RBFOX1: variants seen among roughly 807,000 people sequenced by gnomAD.
RBFOX1 encodes RNA binding protein fox-1 homolog 1.
Under a neutral mutation model 57.7 loss-of-function variants are expected in RBFOX1, and 8 were observed. That is an observed-to-expected ratio of 0.14 (90% CI 0.08 to 0.25). The LOEUF (loss-of-function observed/expected upper bound fraction) is 0.25. Ranked by LOEUF, RBFOX1 falls within the 10% of genes least tolerant of loss-of-function variation. The pLI, the probability that RBFOX1 is intolerant of heterozygous loss-of-function variation, is 1.00. For missense variants in RBFOX1, 611 were observed against 548.5 expected (o/e 1.11, Z -1.14); for synonymous variants, 326 against 222.4 (o/e 1.47, Z -4.15).
At chr16:6,992,493 C>T (rs766977970) in intron 3 of RBFOX1, among the ~76,000 whole-genome samples, 8 of 152,078 alleles carry the variant, frequency 5.3e-5, no homozygotes, top group East Asian at 1.9e-4. Context: ...GGATTACAGG[C>T]GTGAGCTACT....
intron 1 of RBFOX1, among the ~76,000 whole-genome samples, chr16:5,265,136 T>C (rs1200669144): frequency 6.6e-6 from 1 of 152,200 alleles, no homozygotes; most frequent in African/African-American, 2.4e-5. Flanking sequence ...AGAAAAAATC[T>C]GAGAATCTGT....
intron 5 of RBFOX1, among the ~76,000 whole-genome samples, chr16:7,541,720 C>A (rs1220478691): frequency 1.3e-5 from 2 of 152,210 alleles, no homozygotes; most frequent in South Asian, 4.1e-4. Context: ...TTTCTCCATG[C>A]AAGCAGCCAT....
intron 4 of RBFOX1, among the ~76,000 whole-genome samples, chr16:7,142,377 G>A (rs904204224): frequency 6.6e-6 from 1 of 152,044 alleles, no homozygotes; most frequent in Non-Finnish European, 1.5e-5. Flanking sequence ...CCCGTGAAAT[G>A]AGGTCCATGT....
intron 2 of RBFOX1, among the ~76,000 whole-genome samples, chr16:5,522,145 G>A (rs2044046750): frequency 6.6e-6 from 1 of 152,218 alleles, no homozygotes; most frequent in Non-Finnish European, 1.5e-5. Flanking sequence ...TAAGGAGTAA[G>A]CTCAGCTCCT....
intron 4 of RBFOX1, among the ~76,000 whole-genome samples, chr16:7,275,036 G>A (rs2095413586): frequency 6.6e-6 from 1 of 152,146 alleles, no homozygotes; most frequent in Non-Finnish European, 1.5e-5. Flanking sequence ...TGAGCAGGTG[G>A]TCGAAGGGTG....
At chr16:6,669,423 A>T (rs2098750982) in intron 3 of RBFOX1, among the ~76,000 whole-genome samples, 1 of 152,200 alleles carries the variant, frequency 6.6e-6, no homozygotes, top group Admixed American at 6.5e-5. Flanking sequence ...TGGCCATCTT[A>T]AACTAACAGC....
chr16:6,866,635 C>T (rs1231318443), intron 3 of RBFOX1, among the ~76,000 whole-genome samples: 12 of 148,158 alleles, frequency 8.1e-5, no homozygotes, highest in Middle Eastern at 3.3e-3. Context: ...TCCGCCTCCC[C>T]GGTTCACGCC....
chr16:5,853,048 TG>T (rs1268262288), intron 3 of RBFOX1, among the ~76,000 whole-genome samples: 1 of 152,084 alleles, frequency 6.6e-6, no homozygotes, highest in Non-Finnish European at 1.5e-5. Flanking sequence ...TAGAATTATA[TG>T]TTTACAGATC....
intron 2 of RBFOX1, among the ~76,000 whole-genome samples, chr16:6,321,264 A>G (rs2152786753): frequency 6.6e-6 from 1 of 152,242 alleles, no homozygotes; most frequent in Admixed American, 6.5e-5. Flanking sequence ...AAATTTAAGA[A>G]CATGTGGCTT....
chr16:6,978,731 T>G (rs1207152957), intron 3 of RBFOX1, among the ~76,000 whole-genome samples: 1 of 152,242 alleles, frequency 6.6e-6, no homozygotes, highest in Non-Finnish European at 1.5e-5. Flanking sequence ...CAGAGTAAGT[T>G]TGGAAGAAGG....
chr16:6,987,996 G>A lies in RBFOX1; in HGVS notation c.-15-64061G>A, dbSNP rs137971245. On this transcript the variant is annotated intron_variant, in intron 3 of 15. Coordinates refer to ENST00000550418, the MANE Select transcript of RBFOX1 (RefSeq NM_018723.4). Reference sequence around the variant, plus strand: ...TTTCCTTGCATAATCTTATATAGTCGTCATCATGGTTATGTTTCTGGTGAA... The same window carrying A: ...TTTCCTTGCATAATCTTATATAGTCATCATCATGGTTATGTTTCTGGTGAA... 1.1e-4 allele frequency among the ~76,000 whole-genome samples: 17 copies of A among 152,118 alleles called. No homozygotes were observed. In the South Asian group the frequency reaches 1.5e-3, roughly 13 times the overall value.
chr16:6,644,692 C>G (rs1277941167), intron 2 of RBFOX1, among the ~76,000 whole-genome samples: 3 of 152,178 alleles, frequency 2.0e-5, no homozygotes, highest in Non-Finnish European at 2.9e-5. Context: ...GAGTGAATGA[C>G]TGCAATAATC....
At chr16:6,717,444 C>T (rs2065049380) in intron 3 of RBFOX1, among the ~76,000 whole-genome samples, 1 of 152,156 alleles carries the variant, frequency 6.6e-6, no homozygotes, top group Non-Finnish European at 1.5e-5. Context: ...GGTGGATCTG[C>T]ATGACACGTT....
chr16:7,332,024 A>G (rs2096704677), intron 4 of RBFOX1, among the ~76,000 whole-genome samples: 1 of 152,194 alleles, frequency 6.6e-6, no homozygotes, highest in African/African-American at 2.4e-5. Flanking sequence ...TGTATTGCAT[A>G]TTAATATATC....
intron 1 of RBFOX1, among the ~76,000 whole-genome samples, chr16:5,391,470 G>C (rs1052582947): frequency 6.6e-6 from 1 of 152,020 alleles, no homozygotes; most frequent in Non-Finnish European, 1.5e-5. Flanking sequence ...AAGGTCCCTT[G>C]GGACTCCACT....
intron 2 of RBFOX1, among the ~76,000 whole-genome samples, chr16:5,571,991 G>A (rs1323616771): frequency 1.3e-5 from 2 of 152,196 alleles, no homozygotes; most frequent in Admixed American, 6.5e-5. Context: ...GGCCCCAGGA[G>A]ACCAGCCTCC....
chr16:6,731,488 G>A (rs4522421), intron 3 of RBFOX1, among the ~76,000 whole-genome samples: 137,818 of 152,144 alleles, frequency 0.91, 64,048 homozygotes, highest in East Asian at 1. Flanking sequence ...TTCTAGCTGC[G>A]AGTATCTGTG....
At chr16:6,362,977 C>A (rs955294253) in intron 2 of RBFOX1, among the ~76,000 whole-genome samples, 1 of 152,166 alleles carries the variant, frequency 6.6e-6, no homozygotes, top group African/African-American at 2.4e-5. Context: ...ACCTGGGAAC[C>A]ACCTCCCTTG....
intron 1 of RBFOX1, among the ~76,000 whole-genome samples, chr16:6,185,254 T>G (rs1181010876): frequency 1.3e-5 from 2 of 152,218 alleles, no homozygotes; most frequent in Non-Finnish European, 1.5e-5. Context: ...TTCTCTGATT[T>G]CCTTTACAAA....
Sources: allele counts gnomAD v4.1 joint callset (sites outside exome capture counted in the v4.1 genomes callset), GRCh38; gene constraint gnomAD v4.1.1; transcripts MANE v1.5; gene names NCBI Gene and HGNC (gene_info 2026-07-23, HGNC 2026-07-21).